SLC35E3: variants seen among roughly 807,000 people sequenced by gnomAD.
SLC35E3 encodes the protein bladder cancer-overexpressed gene 1 protein.
SLC35E3 carries 28 observed loss-of-function variants against 30.8 expected under a neutral mutation model. The observed-to-expected ratio is 0.91, with a 90% CI of 0.67 to 1.25. The LOEUF is 1.25. SLC35E3 is among the 50% of genes most tolerant of loss of function. The probability of loss-of-function intolerance (pLI) is 0.00; values close to 1 mark genes in which losing one functional copy is unlikely to be tolerated. For missense variants in SLC35E3, 365 were observed against 375.4 expected, an observed-to-expected ratio of 0.97 and a Z score of 0.23; for synonymous variants, 146 against 149.2, an observed-to-expected ratio of 0.98 and a Z score of 0.16.
intron 3 of SLC35E3, among the ~76,000 whole-genome samples, chr12:68,754,794 A>T (rs957538234): frequency 6.6e-6 from 1 of 152,066 alleles, no homozygotes; most frequent in African/African-American, 2.4e-5. Flanking sequence ...GTGTCTGGCT[A>T]TGTTGCCCAG....
intron 3 of SLC35E3, 136 bp downstream of exon 3, chr12:68,752,326 A>T: frequency 1.1e-6 from 1 of 936,866 alleles, no homozygotes; most frequent in Non-Finnish European, 1.6e-6. Flanking sequence ...AAAAGGAGGT[A>T]AGGTAAGGAT....
intron 2 of SLC35E3, among the ~76,000 whole-genome samples, chr12:68,750,755 G>A (rs1225754193): frequency 6.6e-6 from 1 of 152,202 alleles, no homozygotes; most frequent in Non-Finnish European, 1.5e-5. Context: ...GCAGGCAGCA[G>A]AAGAATCAGT....
At chr12:68,749,755 G>GA (rs1203174767) in intron 2 of SLC35E3, among the ~76,000 whole-genome samples, 1 of 152,224 alleles carries the variant, frequency 6.6e-6, no homozygotes, top group Non-Finnish European at 1.5e-5. Flanking sequence ...CAGTGTGTGT[G>GA]AAAGTCTGGA....
Position 68,774,132 on chromosome 12 carries a change from G to C in SLC35E3, c.*9242G>C, listed in dbSNP as rs1419829801. 2 of 152,126 alleles carry C rather than the reference G, an allele frequency of 1.3e-5. No individual in the cohort carries two copies. Among genetic ancestry groups the C allele is most frequent in the Non-Finnish European group, 2.9e-5 (2 of 68,048 alleles). 9.4% of individuals were successfully genotyped at this position (152,126 alleles called of 1,614,324 possible). ...TATGACTATAAAAGAGAGGTGAAGA[G>C]AGCCAGATCTGAAAGTGGTGAGCCG... On this transcript the variant is annotated 3_prime_UTR_variant, in exon 5 of 5. Transcript: ENST00000398004.
In SLC35E3 at chr12:68,764,852, C is replaced by T. The variant is rs750787202; in HGVS notation, c.904C>T (p.Gln302Ter). The change falls in exon 5 of 5, where the codon CAG (glutamine) becomes TAG (stop). Residue 302 changes from glutamine to a stop codon, truncating the protein, a stop_gained. Transcript: ENST00000398004. LOFTEE classifies it high-confidence loss of function. ...CTATACCCACTTTAAGCTCAGTGAA[C>T]AGGAAGGAAGTAGGAGTAAACTGGC... ...LAYTHFKLSEQEGSRSKLAQR... is the reference protein window; with the variant it reads ...LAYTHFKLSE 4.3e-6 allele frequency: 7 copies of T among 1,613,872 alleles called. No homozygotes were observed. The highest frequency in any genetic ancestry group is 2.2e-5 in the East Asian group (1 of 44,868).
intron 4 of SLC35E3, among the ~76,000 whole-genome samples, chr12:68,762,169 G>A (rs1465721620): frequency 1.3e-5 from 2 of 152,132 alleles, no homozygotes; most frequent in Non-Finnish European, 1.5e-5. Context: ...CAAAGGTGAC[G>A]TCTCAGCAGG....
At chr12:68,764,183 T>C (rs1343203551) in intron 4 of SLC35E3, among the ~76,000 whole-genome samples, 1 of 152,198 alleles carries the variant, frequency 6.6e-6, no homozygotes, top group Non-Finnish European at 1.5e-5. Context: ...GGTCTTTCCT[T>C]TTATATTGTA....
Position 68,752,092 on chromosome 12 carries a change from G to A in SLC35E3, c.574G>A (p.Ala192Thr), listed in dbSNP as rs779453829. Residue 192 changes from alanine to threonine, a missense_variant, in exon 3 of 5, where the codon GCT becomes ACT. Ala to Thr is a moderately conservative substitution (Grantham distance 58). Transcript: ENST00000398004. ...VNSMQLLYYQ[A>T]PMSSAMLLVA... ...CTCAATGCAGCTGCTGTACTACCAG[G>A]CTCCGATGTCATCTGCCATGTTGCT... 19 of 1,613,584 alleles carry A rather than the reference G, an allele frequency of 1.2e-5. No homozygotes were observed. Among genetic ancestry groups the A allele is most frequent in the Non-Finnish European group, 1.5e-5 (18 of 1,179,896 alleles).
rs1879589796 is a variant in SLC35E3 at position 68,771,065 on chromosome 12, G to C, written c.*6175G>C. 1 of 152,268 alleles carries C rather than the reference G, an allele frequency of 6.6e-6. No individual in the cohort carries two copies. The highest frequency in any genetic ancestry group is 6.6e-5 in the Admixed American group (1 of 15,250). 9.4% of individuals were successfully genotyped at this position (152,268 alleles called of 1,614,324 possible). ...GAGGCAGTCAGATCACTTCAGATCA[G>C]GAGTTTGAGACCAGCCTGACCAACA... On this transcript the variant is annotated 3_prime_UTR_variant, in exon 5 of 5. Coordinates refer to ENST00000398004, the MANE Select transcript of SLC35E3 (RefSeq NM_018656.5).
At chr12:68,758,041 A>G (rs1404170338) in intron 3 of SLC35E3, among the ~76,000 whole-genome samples, 1 of 152,062 alleles carries the variant, frequency 6.6e-6, no homozygotes, top group Non-Finnish European at 1.5e-5. Flanking sequence ...GCAGTGAGTC[A>G]AGATTGCACC....
rs551295842 is a variant in SLC35E3, at chr12:68,759,973, G to C, written c.755+734G>C. 100 of 152,506 alleles carry C rather than the reference G, an allele frequency of 6.6e-4. 1 individual carries two copies. The highest frequency in any genetic ancestry group is 2.3e-3 in the African/African-American group (94 of 41,564). The allele number at this position is 152,506 out of a possible 1,614,324, so 9.4% of individuals were successfully genotyped here. A position where few individuals can be genotyped will look rare whatever the true frequency, so the allele number is the denominator to read the frequency against. ...GATAATTTCAGGCCACTGGCATCTGGCTATGGAGTATGTGTTTGTACTTAT... is the reference window on the plus strand; with the variant it reads ...GATAATTTCAGGCCACTGGCATCTGCCTATGGAGTATGTGTTTGTACTTAT... On this transcript the variant is annotated intron_variant, in intron 4 of 4. Transcript: ENST00000398004.
At chr12:68,750,829 C>T (rs1003219442) in intron 2 of SLC35E3, among the ~76,000 whole-genome samples, 1 of 152,114 alleles carries the variant, frequency 6.6e-6, no homozygotes, top group South Asian at 2.1e-4. Context: ...GTTCAAATTC[C>T]CTGCTCTTCT....
In SLC35E3 at chr12:68,752,136, T is replaced by G. The variant is rs1004158592; in HGVS notation, c.618T>G (p.Phe206Leu). Residue 206 changes from phenylalanine to leucine, a missense_variant, in exon 3 of 5, where the codon TTT becomes TTG. By Grantham distance (22) the Phe-to-Leu change is conservative (BLOSUM62 0). Transcript: ENST00000398004. ...SAMLLVAVPF[F>L]EPVFGEGGIF... ...TGTTGCTGGTTGCTGTGCCCTTCTT[T>G]GAGCCAGTGTTTGGAGAAGGAGGAA... 1 of 1,613,972 alleles carries G rather than the reference T, an allele frequency of 6.2e-7. No individual in the cohort carries two copies. Among genetic ancestry groups the G allele is most frequent in the South Asian group, 1.1e-5 (1 of 91,028 alleles).
chr12:68,752,829 C>A (rs1437763723), intron 3 of SLC35E3, among the ~76,000 whole-genome samples: 1 of 151,776 alleles, frequency 6.6e-6, no homozygotes, highest in Non-Finnish European at 1.5e-5. Flanking sequence ...ATGGCGAAAC[C>A]CATTCTCTAC....
chr12:68,770,202 T>C lies in SLC35E3; in HGVS notation c.*5312T>C, dbSNP rs1326393657. ...AAAGAACTGTAAAAAGGATGGAGTCTGGAGACTAAATTTGGGAGTGGGGAG... is the reference window on the plus strand; with the variant it reads ...AAAGAACTGTAAAAAGGATGGAGTCCGGAGACTAAATTTGGGAGTGGGGAG... On this transcript the variant is annotated 3_prime_UTR_variant, in exon 5 of 5. Transcript: ENST00000398004. The C allele has an allele frequency of 6.6e-6, 1 of 152,262 alleles. No individual in the cohort carries two copies. Among genetic ancestry groups the C allele is most frequent in the Non-Finnish European group, 1.5e-5 (1 of 68,114 alleles). 9.4% of individuals were successfully genotyped at this position (152,262 alleles called of 1,614,324 possible).
In SLC35E3 at chr12:68,768,326, A is replaced by G. The variant is rs1186468227; in HGVS notation, c.*3436A>G. 2 of 152,140 alleles carry G rather than the reference A, an allele frequency of 1.3e-5. No individual in the cohort carries two copies. The highest frequency in any genetic ancestry group is 2.9e-5 in the Non-Finnish European group (2 of 68,048). 9.4% of individuals were successfully genotyped at this position (152,140 alleles called of 1,614,324 possible). Reference sequence around the variant, plus strand: ...AAAAAAAAGAAATTTTTAACCGTAAATAGAACTTGGGGAGGGTGTTATATA... The same window carrying G: ...AAAAAAAAGAAATTTTTAACCGTAAGTAGAACTTGGGGAGGGTGTTATATA... On this transcript the variant is annotated 3_prime_UTR_variant, in exon 5 of 5. Transcript: ENST00000398004.
At chr12:68,763,303 A>C (rs1220007026) in intron 4 of SLC35E3, among the ~76,000 whole-genome samples, 1 of 152,194 alleles carries the variant, frequency 6.6e-6, no homozygotes, top group Non-Finnish European at 1.5e-5. Context: ...AACATCATAC[A>C]TCTGAAGAAC....
chr12:68,763,884 A>G (rs1339249910), intron 4 of SLC35E3, among the ~76,000 whole-genome samples: 1 of 152,200 alleles, frequency 6.6e-6, no homozygotes, highest in East Asian at 1.9e-4. Flanking sequence ...AATCTGGGGC[A>G]TGTTACTTAA....
chr12:68,747,499 C>G (rs1878636076), intron 1 of SLC35E3, among the ~76,000 whole-genome samples: 1 of 152,150 alleles, frequency 6.6e-6, no homozygotes. Context: ...GAACTCTGAC[C>G]TCAGGTGATC....
Sources: gnomAD v4.1 joint callset for allele counts (sites outside exome capture counted in the v4.1 genomes callset) on GRCh38, gnomAD v4.1.1 for gene constraint, MANE v1.5 for transcripts, NCBI Gene and HGNC (gene_info 2026-07-23, HGNC 2026-07-21) for gene names.